Variants in SYCP1 observed in about 807,000 individuals in gnomAD.
SYCP1 encodes synaptonemal complex protein 1.
SYCP1 carries 64 observed loss-of-function variants against 153.1 expected under a neutral mutation model. That is an observed-to-expected ratio of 0.42 (90% CI 0.34 to 0.51). The LOEUF is 0.51. SYCP1 is among the 20% of genes least tolerant of loss of function. The probability of loss-of-function intolerance (pLI) is 0.06; values close to 1 mark genes in which losing one functional copy is unlikely to be tolerated. For synonymous variants in SYCP1, 384 were observed against 341.8 expected, an observed-to-expected ratio of 1.12 and a Z score of -1.36; for missense variants, 997 against 1,049.0, an observed-to-expected ratio of 0.95 and a Z score of 0.68.
intron 20 of SYCP1, among the ~76,000 whole-genome samples, chr1:114,919,801 T>C (rs948873327): frequency 2.6e-5 from 4 of 152,046 alleles, no homozygotes; most frequent in Non-Finnish European, 5.9e-5. Flanking sequence ...TTGCTTAGAG[T>C]AGCCTCTAAT....
intron 27 of SYCP1, among the ~76,000 whole-genome samples, chr1:114,954,251 G>A (rs1671289046): frequency 6.6e-6 from 1 of 152,000 alleles, no homozygotes; most frequent in Non-Finnish European, 1.5e-5. Flanking sequence ...TTTAAAATAT[G>A]CAATATCTTA....
chr1:114,898,558 A>G (rs1367933426), intron 16 of SYCP1, among the ~76,000 whole-genome samples: 1 of 152,216 alleles, frequency 6.6e-6, no homozygotes, highest in Non-Finnish European at 1.5e-5. Flanking sequence ...AAGCAGGATT[A>G]GTCTAAAATG....
In SYCP1 at chr1:114,919,039, T is replaced by C. The variant is rs140717768; in HGVS notation, c.1719-4410T>C. On this transcript the variant is annotated intron_variant, in intron 20 of 31. Coordinates refer to ENST00000369522, the MANE Select transcript of SYCP1 (RefSeq NM_003176.4). ...TTCCTGTAGCTAAGACCTCCAGTAC[T>C]ATGTTGAATAACAGTGGTGAAAGTG... Among the ~76,000 whole-genome samples the C allele has an allele frequency of 5.9e-3, 896 of 152,252 alleles. 9 individuals carry two copies. The highest frequency in any genetic ancestry group is 0.02 in the African/African-American group (841 of 41,564).
intron 24 of SYCP1, 56 bp downstream of exon 24, chr1:114,944,511 T>G: frequency 9.4e-7 from 1 of 1,066,130 alleles, no homozygotes; most frequent in Non-Finnish European, 1.3e-6. Flanking sequence ...ATATTTTTAT[T>G]AGGATTTTAA....
chr1:114,977,681 G>A, intron 28 of SYCP1, 65 bp downstream of exon 28: 2 of 1,050,748 alleles, frequency 1.9e-6, no homozygotes, highest in Non-Finnish European at 2.7e-6. Flanking sequence ...ACTTAGAAAT[G>A]ATTTTTTGTT....
At chr1:114,901,556 G>A (rs1667449175) in intron 16 of SYCP1, among the ~76,000 whole-genome samples, 1 of 152,180 alleles carries the variant, frequency 6.6e-6, no homozygotes, top group African/African-American at 2.4e-5. Flanking sequence ...CGCTAAGCTA[G>A]GATTGAACCT....
At chr1:114,901,767 TATAA>T (rs1667460253) in intron 16 of SYCP1, among the ~76,000 whole-genome samples, 1 of 152,012 alleles carries the variant, frequency 6.6e-6, no homozygotes, top group Non-Finnish European at 1.5e-5. Context: ...CTACAGAAAA[TATAA>T]ATAGTGATCC....
At chr1:114,942,001 C>G (rs1030469892) in intron 23 of SYCP1, among the ~76,000 whole-genome samples, 1 of 152,002 alleles carries the variant, frequency 6.6e-6, no homozygotes, top group Non-Finnish European at 1.5e-5. Context: ...TACTCAACCT[C>G]TACTGAGAAT....
At chr1:114,881,838 C>A (rs1400695321) in intron 12 of SYCP1, among the ~76,000 whole-genome samples, 1 of 152,054 alleles carries the variant, frequency 6.6e-6, no homozygotes. Context: ...AATATCTTTT[C>A]CCTCTCTTAT....
At chr1:114,906,544 AT>A (rs1457352687) in intron 16 of SYCP1, among the ~76,000 whole-genome samples, 15 of 152,184 alleles carry the variant, frequency 9.9e-5, no homozygotes, top group African/African-American at 3.4e-4. Flanking sequence ...CATTTCACAA[AT>A]TTTTATGTGT....
At chr1:114,949,175 G>C (rs1166742234) in intron 27 of SYCP1, among the ~76,000 whole-genome samples, 1 of 152,132 alleles carries the variant, frequency 6.6e-6, no homozygotes, top group Non-Finnish European at 1.5e-5. Flanking sequence ...CTTTGTGTTT[G>C]CGCAATGGGG....
At chr1:114,867,084 ACT>A (rs1197972941) in intron 8 of SYCP1, among the ~76,000 whole-genome samples, 2 of 151,268 alleles carry the variant, frequency 1.3e-5, no homozygotes, top group Non-Finnish European at 3.0e-5. Context: ...CTGTTTCTGG[ACT>A]CTCTATTTTG....
At chr1:114,877,952 G>A (rs1665655390) in intron 11 of SYCP1, 142 bp from the exon 12 acceptor site, 2 of 518,540 alleles carry the variant, frequency 3.9e-6, no homozygotes, top group Non-Finnish European at 7.0e-6. Context: ...TGGCTGCCAG[G>A]GAGTAGAGAC....
At chr1:114,880,952 G>T (rs886903745) in intron 12 of SYCP1, among the ~76,000 whole-genome samples, 1 of 151,578 alleles carries the variant, frequency 6.6e-6, no homozygotes, top group African/African-American at 2.4e-5. Flanking sequence ...AATAATAGTT[G>T]GTTCTTAAAG....
At chr1:114,886,350 A>T in intron 14 of SYCP1, 41 bp downstream of exon 14, 1 of 1,428,748 alleles carries the variant, frequency 7.0e-7, no homozygotes, top group Non-Finnish European at 9.2e-7. Flanking sequence ...ATAAGTGAAT[A>T]AAAACAATTT....
At chr1:114,865,921 G>A (rs1467066409) in intron 8 of SYCP1, among the ~76,000 whole-genome samples, 1 of 152,104 alleles carries the variant, frequency 6.6e-6, no homozygotes, top group Non-Finnish European at 1.5e-5. Context: ...TATGTAGTTC[G>A]AATCCTACAG....
rs1385043696 is a variant in SYCP1 at position 114,860,781 on chromosome 1, T to C, written c.570T>C (p.Cys190=). The change falls in exon 8 of 32, where the codon TGT becomes TGC. Residue 190 remains cysteine, a synonymous_variant. Coordinates refer to ENST00000369522, the MANE Select transcript of SYCP1 (RefSeq NM_003176.4). ...TATGTAATCTACTCAAAGAAACCTG[T>C]GCTAGATCTGCAGAAAAGACAAAGA... ...RHLCNLLKET[C]ARSAEKTKKY... 1.3e-6 allele frequency: 2 copies of C among 1,591,772 alleles called. No individual in the cohort carries two copies. Among genetic ancestry groups the C allele is most frequent in the African/African-American group, 1.4e-5 (1 of 73,688 alleles).
intron 8 of SYCP1, among the ~76,000 whole-genome samples, chr1:114,865,934 C>T (rs952075016): frequency 2.0e-5 from 3 of 151,964 alleles, no homozygotes; most frequent in African/African-American, 4.8e-5. Context: ...TCCTACAGTA[C>T]GTAGGCTTTT....
chr1:114,883,355 T>C (rs1367838495), intron 12 of SYCP1, among the ~76,000 whole-genome samples: 1 of 152,226 alleles, frequency 6.6e-6, no homozygotes, highest in African/African-American at 2.4e-5. Flanking sequence ...TTCTAAAATA[T>C]GAAATCTTTG....
Sources: gnomAD v4.1 joint callset for allele counts (sites outside exome capture counted in the v4.1 genomes callset) on GRCh38, gnomAD v4.1.1 for gene constraint, MANE v1.5 for transcripts, NCBI Gene and HGNC (gene_info 2026-07-23, HGNC 2026-07-21) for gene names.